PLXNA1: variants seen among roughly 807,000 people sequenced by gnomAD.
PLXNA1 encodes plexin A1.
A neutral mutation model predicts 191.7 loss-of-function variants in PLXNA1; 77 were observed. That is an observed-to-expected ratio of 0.40 (90% CI 0.33 to 0.49). The LOEUF is 0.49. Among genes scored for constraint, PLXNA1 ranks in the 20% least tolerant of loss-of-function variants. The pLI, the probability that PLXNA1 is intolerant of heterozygous loss-of-function variation, is 0.63. For synonymous variants in PLXNA1, 1,137 were observed against 1,156.4 expected (o/e 0.98, Z 0.34); for missense variants, 2,110 against 2,660.2 (o/e 0.79, Z 4.55).
intron 31 of PLXNA1, among the ~76,000 whole-genome samples, chr3:127,033,066 G>A (rs960234451): frequency 1.3e-5 from 2 of 152,248 alleles, no homozygotes; most frequent in Admixed American, 6.5e-5. Context: ...TGTGGGGTCA[G>A]GGGTGGGGAA....
At chr3:126,999,020 G>A (rs2079027455) in intron 3 of PLXNA1, among the ~76,000 whole-genome samples, 1 of 152,204 alleles carries the variant, frequency 6.6e-6, no homozygotes, top group South Asian at 2.1e-4. Context: ...GGGGACCCAG[G>A]AAGGAGGCCT....
At chr3:127,023,223 A>G (rs1435006283) in intron 23 of PLXNA1, among the ~76,000 whole-genome samples, 1 of 152,188 alleles carries the variant, frequency 6.6e-6, no homozygotes, top group Non-Finnish European at 1.5e-5. Context: ...TGTGCTGTCC[A>G]TTCAAGCCCC....
At chr3:127,010,848 T>C (rs1405818550) in intron 9 of PLXNA1, among the ~76,000 whole-genome samples, 1 of 152,188 alleles carries the variant, frequency 6.6e-6, no homozygotes, top group Non-Finnish European at 1.5e-5. Context: ...CTGAGCTGCC[T>C]GGGCTCCTCT....
Position 127,014,103 on chromosome 3 carries a change from A to G in PLXNA1, c.2397A>G (p.Pro799=). Residue 799 remains proline, a synonymous_variant, in exon 11 of 32, where the codon CCA becomes CCG. Coordinates refer to ENST00000393409, the MANE Select transcript of PLXNA1 (RefSeq NM_032242.4). ...ACGGCAACTTTGTCATTGACAACCC[A>G]CAGAACATCCAGGGTGAGTGGGCGC... The part of the protein sequence containing the change: ...VWNGNFVIDN[P]QNIQAHLYKC... 6.2e-7 allele frequency: 1 copy of G among 1,613,814 alleles called. No homozygotes were observed. The highest frequency in any genetic ancestry group is 8.5e-7 in the Non-Finnish European group (1 of 1,179,924).
At position 127,006,136 on chromosome 3, in the gene PLXNA1, C is replaced by T. The variant is rs760194008; in HGVS notation, c.1955C>T (p.Ala652Val). The T allele has an allele frequency of 1.2e-5, 19 of 1,613,684 alleles. No homozygotes were observed. The South Asian group carries it at 1.4e-4, about 12-fold the overall frequency. ...LKSKETGKKFASVDFVFYNCS... is the reference protein window; with the variant it reads ...LKSKETGKKFVSVDFVFYNCS... The stretch of plus-strand genomic sequence containing the variant: ...TCCAAGGAGACAGGGAAGAAGTTTG[C>T]GTCTGTGGACTTCGTCTTCTACAAC... The change falls in exon 8 of 32, where the codon GCG becomes GTG. Residue 652 changes from alanine (A) to valine (V), a missense_variant. By Grantham distance (64) the Ala-to-Val change is moderately conservative. Coordinates refer to ENST00000393409, the MANE Select transcript of PLXNA1 (RefSeq NM_032242.4).
In PLXNA1 at chr3:127,014,339, C is replaced by G. The variant is rs920317173; in HGVS notation, c.2568C>G (p.His856Gln). The G allele has an allele frequency of 4.4e-6, 7 of 1,595,584 alleles. No individual in the cohort carries two copies. The Admixed American group carries it at 1.2e-4, about 27-fold the overall frequency. ...CTGCATCGTGGATGCACGCGCGTCA[C>G]GGCAGCAGTCGCTGCACCGACCCCA... ...DTPASWMHAR[H>Q]GSSRCTDPKI... is the part of the protein sequence containing the mutation. Residue 856 changes from histidine to glutamine, a missense_variant, in exon 12 of 32, where the codon CAC (histidine) becomes CAG (glutamine). Around this residue, in one of 4 missense-constraint regions of PLXNA1, gnomAD observed 644 missense variants for 714.3 expected, o/e 0.90. Transcript: ENST00000393409.
chr3:127,016,575 C>A lies in PLXNA1; in HGVS notation c.3073C>A (p.Pro1025Thr). 1.2e-6 allele frequency: 2 copies of A among 1,613,958 alleles called. No homozygotes were observed. Among genetic ancestry groups the A allele is most frequent in the Non-Finnish European group, 1.7e-6 (2 of 1,179,936 alleles). ...CCCCGGGCAGAGCCCTGGCAGCGCT[C>A]CCATCATCATCAACATCAACCGCGC... is the stretch of plus-strand genomic sequence containing the variant. ...TPPGQSPGSA[P>T]IIININRAQL... Residue 1025 changes from proline (P) to threonine (T), a missense_variant, in exon 16 of 32, where the codon CCC (proline) becomes ACC (threonine). Around this residue, in one of 4 missense-constraint regions of PLXNA1, gnomAD observed 644 missense variants for 714.3 expected, o/e 0.90. Transcript: ENST00000393409.
chr3:126,985,026 C>A (rs1053295991), intron 1 of PLXNA1, among the ~76,000 whole-genome samples: 3 of 152,200 alleles, frequency 2.0e-5, no homozygotes, highest in East Asian at 3.9e-4. Flanking sequence ...TGTCTTCCCC[C>A]CCGGCTGCTG....
At chr3:127,028,121 G>C in intron 24 of PLXNA1, 35 bp downstream of exon 24, 1 of 1,613,554 alleles carries the variant, frequency 6.2e-7, no homozygotes, top group Non-Finnish European at 8.5e-7. Context: ...GGGTGCCCTG[G>C]TGCCCCCCAC....
intron 1 of PLXNA1, among the ~76,000 whole-genome samples, chr3:126,983,909 G>A (rs2078944490): frequency 6.6e-6 from 1 of 152,182 alleles, no homozygotes; most frequent in African/African-American, 2.4e-5. Flanking sequence ...AGTTGGAGCG[G>A]CTTCCCGACC....
At chr3:127,006,234 C>T (rs373119688) in intron 8 of PLXNA1, 56 bp downstream of exon 8, 14 of 1,354,038 alleles carry the variant, frequency 1.0e-5, no homozygotes, top group African/African-American at 4.3e-5. Flanking sequence ...GCCCCACTCC[C>T]GTCCCTGTGG....
intron 21 of PLXNA1, among the ~76,000 whole-genome samples, chr3:127,021,403 G>A (rs909214688): frequency 6.6e-6 from 1 of 152,306 alleles, no homozygotes; most frequent in Non-Finnish European, 1.5e-5. Context: ...TGGCCTCTGG[G>A]CTCTGCCTAA....
intron 20 of PLXNA1, among the ~76,000 whole-genome samples, chr3:127,019,045 C>T (rs763320339): frequency 1.3e-5 from 2 of 152,192 alleles, no homozygotes; most frequent in Non-Finnish European, 2.9e-5. Context: ...TAGGGGGAGT[C>T]ATGCCACACC....
At chr3:127,019,259 T>C (rs965386866) in intron 20 of PLXNA1, among the ~76,000 whole-genome samples, 1 of 150,972 alleles carries the variant, frequency 6.6e-6, no homozygotes, top group Non-Finnish European at 1.5e-5. Flanking sequence ...TGGGATGGGG[T>C]GTTTTGTTTG....
intron 17 of PLXNA1, 63 bp downstream of exon 17, chr3:127,017,100 TA>T: frequency 7.0e-7 from 1 of 1,420,978 alleles, no homozygotes; most frequent in South Asian, 1.2e-5. Context: ...GGGCTCCTGC[TA>T]GGAATACCCG....
Position 127,017,462 on chromosome 3 carries a change from G to T in PLXNA1, c.3314G>T (p.Arg1105Leu). 1 of 1,613,250 alleles carries T rather than the reference G, an allele frequency of 6.2e-7. No homozygotes were observed. Among genetic ancestry groups the T allele is most frequent in the Non-Finnish European group, 8.5e-7 (1 of 1,179,982 alleles). Residue 1105 changes from arginine to leucine, a missense_variant, in exon 18 of 32, where the codon CGC becomes CTC. Physicochemically the swap from Arg to Leu is moderately radical, Grantham distance 102. Coordinates refer to ENST00000393409, the MANE Select transcript of PLXNA1 (RefSeq NM_032242.4). ...LVYNDTTMVC[R>L]APSVANPVRS... ...TACAATGACACCACCATGGTATGCC[G>T]CGCCCCGTCTGTGGCCAACCCTGTG... is the stretch of plus-strand genomic sequence containing the variant.
chr3:127,006,129 A>C lies in PLXNA1; in HGVS notation c.1948A>C (p.Lys650Gln). ...LYLKSKETGK[K>Q]FASVDFVFYN... ...CCTAAAGTCCAAGGAGACAGGGAAG[A>C]AGTTTGCGTCTGTGGACTTCGTCTT... Residue 650 changes from lysine (K) to glutamine (Q), a missense_variant, in exon 8 of 32, where the codon AAG (lysine) becomes CAG (glutamine). Physicochemically the swap from Lys to Gln is moderately conservative, Grantham distance 53. Coordinates refer to ENST00000393409, the MANE Select transcript of PLXNA1 (RefSeq NM_032242.4). 6.2e-7 allele frequency: 1 copy of C among 1,613,824 alleles called. No homozygotes were observed. Among genetic ancestry groups the C allele is most frequent in the South Asian group, 1.1e-5 (1 of 91,084 alleles).
intron 17 of PLXNA1, 26 bp downstream of exon 17, chr3:127,017,063 C>T: frequency 6.3e-7 from 1 of 1,595,070 alleles, no homozygotes; most frequent in Non-Finnish European, 8.6e-7. Context: ...CAGCTGCCCA[C>T]CTCGGTCCAG....
rs777776780 is a variant in PLXNA1, at chr3:127,029,008, G to A, written c.4685G>A (p.Arg1562His). ...CCTCCCCCAGAGTGGCGCCAGGGCC[G>A]CATGGCGCGCATCATCCTGCAGGAC... ...ADMDLEWRQGRMARIILQDED... is the reference protein window; with the variant it reads ...ADMDLEWRQGHMARIILQDED... Residue 1562 changes from arginine to histidine, a missense_variant, in exon 26 of 32, where the codon CGC becomes CAC. By Grantham distance (29) the Arg-to-His change is conservative (BLOSUM62 0). Around this residue, in one of 4 missense-constraint regions of PLXNA1, gnomAD observed 559 missense variants for 911.5 expected, o/e 0.61. Coordinates refer to ENST00000393409, the MANE Select transcript of PLXNA1 (RefSeq NM_032242.4). 1.3e-5 allele frequency: 21 copies of A among 1,612,606 alleles called. No homozygotes were observed. The highest frequency in any genetic ancestry group is 2.2e-5 in the South Asian group (2 of 91,080).
Sources: allele counts gnomAD v4.1 joint callset (sites outside exome capture counted in the v4.1 genomes callset), GRCh38; gene constraint gnomAD v4.1.1; regional missense constraint gnomAD v4.1.1; transcripts MANE v1.5; gene names NCBI Gene and HGNC (gene_info 2026-07-23, HGNC 2026-07-21).